Variants in OSCP1 observed in about 807,000 individuals in gnomAD.
The protein encoded by OSCP1 is organic solute carrier partner 1.
A neutral mutation model predicts 45.1 loss-of-function variants in OSCP1; 35 were observed. That is an observed-to-expected ratio of 0.78 (90% CI 0.59 to 1.03). The LOEUF is 1.03. Among genes scored for constraint, OSCP1 ranks in the 50% least tolerant of loss-of-function variants. The probability of loss-of-function intolerance (pLI) is 0.00; values close to 1 mark genes in which losing one functional copy is unlikely to be tolerated. For missense variants in OSCP1, 400 were observed against 470.7 expected (o/e 0.85, Z 1.39); for synonymous variants, 179 against 180.1 (o/e 0.99, Z 0.05).
intron 1 of OSCP1, among the ~76,000 whole-genome samples, chr1:36,444,700 A>C (rs1252065419): frequency 6.6e-6 from 1 of 152,246 alleles, no homozygotes; most frequent in Non-Finnish European, 1.5e-5. Context: ...AGAGGAGACC[A>C]AATAAGGAAA....
At chr1:36,418,313 T>C in intron 9 of OSCP1, 58 bp from the exon 10 acceptor site, 2 of 1,506,234 alleles carry the variant, frequency 1.3e-6, no homozygotes, top group Non-Finnish European at 1.8e-6. Flanking sequence ...AGGCCGCCTC[T>C]TTGTGCACTA....
At chr1:36,444,104 C>G in intron 1 of OSCP1, 1 of 1,508,242 alleles carries the variant, frequency 6.6e-7, no homozygotes, top group South Asian at 1.1e-5. Context: ...AGGCTTTAAA[C>G]ATACCAATTC....
intron 4 of OSCP1, among the ~76,000 whole-genome samples, chr1:36,427,244 C>T (rs1648027915): frequency 3.3e-5 from 5 of 150,526 alleles, no homozygotes; most frequent in Admixed American, 3.3e-4. Context: ...TCATGATCCA[C>T]CTGCCTTGGC....
At chr1:36,448,940 A>C (rs958846259) in intron 1 of OSCP1, among the ~76,000 whole-genome samples, 2 of 152,224 alleles carry the variant, frequency 1.3e-5, no homozygotes, top group African/African-American at 4.8e-5. Context: ...GGACAGATAC[A>C]CATTTTAGAA....
intron 4 of OSCP1, chr1:36,428,154 C>A (rs1006683420): frequency 6.0e-6 from 6 of 996,328 alleles, no homozygotes; most frequent in African/African-American, 5.4e-5. Flanking sequence ...GGTGCCACTG[C>A]ACTCCAGCCT....
intron 7 of OSCP1, 125 bp downstream of exon 7, chr1:36,422,025 A>T: frequency 1.1e-6 from 1 of 885,588 alleles, no homozygotes; most frequent in South Asian, 1.4e-5. Context: ...TGGAATGGAG[A>T]AGATTGCACA....
intron 7 of OSCP1, 159 bp downstream of exon 7, chr1:36,421,991 A>G (rs992840725): frequency 2.3e-5 from 16 of 684,844 alleles, no homozygotes; most frequent in African/African-American, 2.3e-4. Context: ...AAAAGCTACA[A>G]TTAAAACCTG....
chr1:36,430,784 A>T (rs1648313026), intron 4 of OSCP1, among the ~76,000 whole-genome samples: 1 of 152,158 alleles, frequency 6.6e-6, no homozygotes, highest in Admixed American at 6.6e-5. Flanking sequence ...CCTCCTGAGT[A>T]GCTGGGACTA....
chr1:36,432,166 T>A lies in OSCP1; in HGVS notation c.435+256A>T, dbSNP rs575250900. Among the ~76,000 whole-genome samples, 7 of 152,274 alleles carry A rather than the reference T, an allele frequency of 4.6e-5. No homozygotes were observed. The East Asian group carries it at 1.4e-3, about 29-fold the overall frequency. ...CAGAACATCCACCACCAAGTCCCTT[T>A]CCGAAAAGTGAGGAGAAAATGGCTA... On this transcript the variant is annotated intron_variant, in intron 3 of 9. Transcript: ENST00000235532.
At chr1:36,424,582 G>A (rs1215555008) in intron 4 of OSCP1, among the ~76,000 whole-genome samples, 2 of 152,180 alleles carry the variant, frequency 1.3e-5, no homozygotes, top group African/African-American at 4.8e-5. Context: ...TTTGGAGCCC[G>A]AACCTTATCC....
At chr1:36,438,722 G>A in intron 2 of OSCP1, 34 bp downstream of exon 2, 1 of 1,572,346 alleles carries the variant, frequency 6.4e-7, no homozygotes, top group Non-Finnish European at 8.6e-7. Flanking sequence ...TACAAAAAAT[G>A]CAACCAAGAT....
intron 1 of OSCP1, among the ~76,000 whole-genome samples, chr1:36,441,750 CAA>C (rs575967932): frequency 2.9e-4 from 17 of 58,270 alleles, no homozygotes; most frequent in Admixed American, 4.7e-4. Context: ...GACTCCAGCT[CAA>C]AAAAAAAAAA....
chr1:36,427,040 G>A (rs555506946), intron 4 of OSCP1, among the ~76,000 whole-genome samples: 6 of 148,422 alleles, frequency 4.0e-5, no homozygotes, highest in South Asian at 2.1e-4. Context: ...TTGCTCTGTC[G>A]CCCAGGCTAG....
intron 2 of OSCP1, among the ~76,000 whole-genome samples, chr1:36,438,145 C>G (rs1648874179): frequency 6.6e-6 from 1 of 152,026 alleles, no homozygotes; most frequent in African/African-American, 2.4e-5. Flanking sequence ...TGGAGAAAAC[C>G]TGTCTTTACT....
chr1:36,420,302 A>G (rs1200830688), intron 8 of OSCP1, 174 bp downstream of exon 8: 4 of 813,566 alleles, frequency 4.9e-6, no homozygotes, highest in Non-Finnish European at 7.4e-6. Context: ...ATGACTCTGG[A>G]AGATTCAGGC....
At chr1:36,423,975 T>C (rs1482524822) in intron 4 of OSCP1, among the ~76,000 whole-genome samples, 1 of 151,880 alleles carries the variant, frequency 6.6e-6, no homozygotes, top group Non-Finnish European at 1.5e-5. Flanking sequence ...AGATAGGGAC[T>C]CACTTTGTCA....
chr1:36,432,224 C>T (rs2282355), intron 3 of OSCP1, among the ~76,000 whole-genome samples, 198 bp downstream of exon 3: 15,524 of 152,142 alleles, frequency 0.1, 927 homozygotes, highest in East Asian at 0.29. Context: ...ATTGTGAAGG[C>T]ATCAGTAAGA....
intron 8 of OSCP1, among the ~76,000 whole-genome samples, chr1:36,419,672 A>T (rs1647492713): frequency 6.6e-6 from 1 of 152,184 alleles, no homozygotes; most frequent in Admixed American, 6.5e-5. Flanking sequence ...GTTTTGGGTT[A>T]TACTGTCTAA....
intron 4 of OSCP1, among the ~76,000 whole-genome samples, chr1:36,428,685 C>CT (rs1648144012): frequency 6.6e-6 from 1 of 152,138 alleles, no homozygotes; most frequent in African/African-American, 2.4e-5. Context: ...TGGCTCATGC[C>CT]TGTAATCCCA....
Sources: allele counts gnomAD v4.1 joint callset (sites outside exome capture counted in the v4.1 genomes callset), GRCh38; gene constraint gnomAD v4.1.1; transcripts MANE v1.5; gene names NCBI Gene and HGNC (gene_info 2026-07-23, HGNC 2026-07-21).